The following RYR3 variants were observed in gnomAD, a reference collection of about 807,000 sequenced individuals.
The protein encoded by RYR3 is ryanodine receptor 3.
In RYR3, 207 loss-of-function variants were observed where a neutral mutation model predicts 584.3. That is an observed-to-expected ratio of 0.35 (90% CI 0.32 to 0.40). The LOEUF (loss-of-function observed/expected upper bound fraction) is 0.40. Ranked by LOEUF, RYR3 falls within the 10% of genes least tolerant of loss-of-function variation. The probability of loss-of-function intolerance (pLI) is 1.00; values close to 1 mark genes in which losing one functional copy is unlikely to be tolerated. For synonymous variants in RYR3, 2,416 were observed against 2,248.5 expected (o/e 1.07, Z -2.11); for missense variants, 5,616 against 6,089.2 (o/e 0.92, Z 2.59).
At chr15:33,782,570 A>G (rs1189087894) in intron 65 of RYR3, among the ~76,000 whole-genome samples, 1 of 152,146 alleles carries the variant, frequency 6.6e-6, no homozygotes, top group Non-Finnish European at 1.5e-5. Context: ...GAGCCGGAGA[A>G]TGACTGTTGG....
intron 18 of RYR3, among the ~76,000 whole-genome samples, chr15:33,607,949 C>A (rs983581016): frequency 1.3e-5 from 2 of 152,166 alleles, no homozygotes; most frequent in African/African-American, 4.8e-5. Flanking sequence ...GATTAGGTAA[C>A]TTGAGTCCAC....
chr15:33,709,999 T>C (rs1247526536), intron 43 of RYR3, among the ~76,000 whole-genome samples: 1 of 152,160 alleles, frequency 6.6e-6, no homozygotes, highest in Non-Finnish European at 1.5e-5. Context: ...TGTACTCAGG[T>C]TAGAATAATG....
At chr15:33,557,647 T>A (rs894881581) in intron 10 of RYR3, among the ~76,000 whole-genome samples, 5 of 152,146 alleles carry the variant, frequency 3.3e-5, no homozygotes, top group African/African-American at 1.2e-4. Flanking sequence ...CCTCCCAAAG[T>A]GCTGGGATTA....
chr15:33,601,635 C>A, intron 17 of RYR3, 83 bp downstream of exon 17: 1 of 1,475,888 alleles, frequency 6.8e-7, no homozygotes, highest in Non-Finnish European at 9.4e-7. Context: ...CTCATCTGAA[C>A]TCCAAAGTTG....
chr15:33,743,274 A>G (rs2070350629), intron 52 of RYR3, among the ~76,000 whole-genome samples: 1 of 152,184 alleles, frequency 6.6e-6, no homozygotes, highest in African/African-American at 2.4e-5. Context: ...TGATGATAAC[A>G]GCTATCATTG....
Position 33,489,015 on chromosome 15 carries a change from A to G in RYR3, c.172-14616A>G, listed in dbSNP as rs74950355. Among the ~76,000 whole-genome samples the G allele has an allele frequency of 7.5e-3, 1,149 of 152,218 alleles. 15 individuals are homozygous for G. Among genetic ancestry groups the G allele is most frequent in the African/African-American group, 0.027 (1,112 of 41,524 alleles). ...ATGCTCATAATTCACAAATCATACT[A>G]CTGTTTTGGGTAGTGATTCAAGAGA... On this transcript the variant is annotated intron_variant, in intron 2 of 103. Coordinates refer to ENST00000634891, the MANE Select transcript of RYR3 (RefSeq NM_001036.6).
In RYR3 at chr15:33,740,000, G is replaced by C; in HGVS notation, c.7820+5G>C. ...AAAACCTATTAACACCATGAAGTGA[G>C]TCCAGAATCATCTCTGAGCTGGTGC... On this transcript the variant is annotated splice_donor_5th_base_variant and intron_variant, in intron 51 of 103. Transcript: ENST00000634891. 6.2e-7 allele frequency: 1 copy of C among 1,613,352 alleles called. No homozygotes were observed. Among genetic ancestry groups the C allele is most frequent in the Non-Finnish European group, 8.5e-7 (1 of 1,179,470 alleles).
chr15:33,431,160 C>T (rs191868522), intron 1 of RYR3, among the ~76,000 whole-genome samples: 217 of 152,336 alleles, frequency 1.4e-3, no homozygotes, highest in African/African-American at 4.1e-3. Flanking sequence ...CAATCCAGCA[C>T]TTCTTCAGTA....
intron 26 of RYR3, 110 bp downstream of exon 26, chr15:33,635,929 C>T: frequency 2.3e-6 from 2 of 860,750 alleles, no homozygotes; most frequent in Non-Finnish European, 3.7e-6. Flanking sequence ...TGAGTGACCA[C>T]CACCACTGGC....
chr15:33,326,949 A>C (rs990523436), intron 1 of RYR3, among the ~76,000 whole-genome samples: 1 of 152,072 alleles, frequency 6.6e-6, no homozygotes, highest in Non-Finnish European at 1.5e-5. Flanking sequence ...CTGATACTAA[A>C]TCATTTGTGC....
intron 1 of RYR3, among the ~76,000 whole-genome samples, chr15:33,314,728 C>G (rs1407777503): frequency 6.7e-6 from 1 of 150,334 alleles, no homozygotes; most frequent in Non-Finnish European, 1.5e-5. Flanking sequence ...TCCTGGCTAA[C>G]ACGGTGAAAC....
chr15:33,762,274 A>G lies in RYR3; in HGVS notation c.8705+4678A>G, dbSNP rs553439651. On this transcript the variant is annotated intron_variant, in intron 60 of 103. Coordinates refer to ENST00000634891, the MANE Select transcript of RYR3 (RefSeq NM_001036.6). Reference sequence around the variant, plus strand: ...TGGCCAGGGCAATCAGGCAAGAGAAAGAAATAAAGCGTATTCAAATTGGAA... The same window carrying G: ...TGGCCAGGGCAATCAGGCAAGAGAAGGAAATAAAGCGTATTCAAATTGGAA... Among the ~76,000 whole-genome samples, 3 of 152,324 alleles carry G rather than the reference A, an allele frequency of 2.0e-5. No individual in the cohort carries two copies. In the South Asian group the frequency reaches 6.2e-4, roughly 32 times the overall value.
At chr15:33,484,970 G>C (rs2050285836) in intron 2 of RYR3, among the ~76,000 whole-genome samples, 1 of 152,172 alleles carries the variant, frequency 6.6e-6, no homozygotes, top group African/African-American at 2.4e-5. Context: ...ATCACACTAT[G>C]AGAGTGAATA....
chr15:33,383,666 C>A (rs1335307495), intron 1 of RYR3, among the ~76,000 whole-genome samples: 1 of 152,062 alleles, frequency 6.6e-6, no homozygotes, highest in Non-Finnish European at 1.5e-5. Flanking sequence ...AGCATAGTAC[C>A]CAATAGGTAG....
intron 1 of RYR3, among the ~76,000 whole-genome samples, chr15:33,351,753 T>C (rs531341566): frequency 1.1e-4 from 16 of 150,628 alleles, no homozygotes; most frequent in African/African-American, 3.2e-4. Context: ...ATTGATGGGA[T>C]GTATCTCAAA....
At position 33,662,595 on chromosome 15, in the gene RYR3, G is replaced by A. The variant is rs1204413940; in HGVS notation, c.5065G>A (p.Glu1689Lys). The change falls in exon 35 of 104, where the codon GAG becomes AAG. Residue 1689 changes from glutamate (E) to lysine (K), a missense_variant. Glu to Lys is a moderately conservative substitution (Grantham distance 56). Around this residue, in one of 9 missense-constraint regions of RYR3, gnomAD observed 753 missense variants for 741.0 expected, o/e 1.02. Coordinates refer to ENST00000634891, the MANE Select transcript of RYR3 (RefSeq NM_001036.6). ...AAAGCAGAGCCCCGAGATTCCCTTG[G>A]AGAGTCTCAGGACGAAGGCTCTGAG... ...HQKQSPEIPL[E>K]SLRTKALSML... 6.2e-7 allele frequency: 1 copy of A among 1,614,020 alleles called. No homozygotes were observed. Among genetic ancestry groups the A allele is most frequent in the Non-Finnish European group, 8.5e-7 (1 of 1,179,908 alleles).
intron 1 of RYR3, among the ~76,000 whole-genome samples, chr15:33,408,957 G>C (rs1418888105): frequency 6.6e-6 from 1 of 152,192 alleles, no homozygotes; most frequent in Non-Finnish European, 1.5e-5. Flanking sequence ...AAATCTGTCA[G>C]AGGGGAAGTA....
At chr15:33,691,478 A>G (rs2065426718) in intron 38 of RYR3, among the ~76,000 whole-genome samples, 1 of 152,232 alleles carries the variant, frequency 6.6e-6, no homozygotes, top group Non-Finnish European at 1.5e-5. Flanking sequence ...ATTGGCAACA[A>G]ATACTATCAC....
intron 1 of RYR3, among the ~76,000 whole-genome samples, chr15:33,453,269 A>G (rs1247459295): frequency 6.6e-6 from 1 of 152,212 alleles, no homozygotes; most frequent in African/African-American, 2.4e-5. Context: ...TACTATTCAG[A>G]TGGCTTTTAG....
Sources: gnomAD v4.1 joint callset for allele counts (sites outside exome capture counted in the v4.1 genomes callset) on GRCh38, gnomAD v4.1.1 for gene constraint, gnomAD v4.1.1 regional missense constraint, MANE v1.5 for transcripts, NCBI Gene and HGNC (gene_info 2026-07-23, HGNC 2026-07-21) for gene names.